Variants in SCUBE2 observed in about 807,000 individuals in gnomAD.
The protein encoded by SCUBE2 is signal peptide, CUB and EGF-like domain-containing protein 2.
In SCUBE2, 114 loss-of-function variants were observed where a neutral mutation model predicts 125.9. The ratio of observed to expected loss-of-function variants is 0.91; its 90% confidence interval spans 0.78 to 1.06. The LOEUF is 1.06. Among genes scored for constraint, SCUBE2 ranks in the 50% least tolerant of loss-of-function variants. The pLI is 0.00. For missense variants in SCUBE2, 1,255 were observed against 1,301.8 expected (o/e 0.96, Z 0.55); for synonymous variants, 459 against 492.9 (o/e 0.93, Z 0.91).
chr11:9,044,975 C>T (rs572349641), intron 16 of SCUBE2, among the ~76,000 whole-genome samples: 1 of 152,294 alleles, frequency 6.6e-6, no homozygotes, highest in South Asian at 2.1e-4. Context: ...CTTTCCATTC[C>T]ACTTCCCTGC....
chr11:9,047,318 A>G (rs759403609), intron 16 of SCUBE2, 38 bp downstream of exon 16: 4 of 1,608,800 alleles, frequency 2.5e-6, no homozygotes, highest in Non-Finnish European at 3.4e-6. Context: ...ATGGAGCCCA[A>G]GGCTGTTCTG....
intron 16 of SCUBE2, among the ~76,000 whole-genome samples, chr11:9,034,555 T>C (rs1856594861): frequency 6.6e-6 from 1 of 152,022 alleles, no homozygotes; most frequent in Non-Finnish European, 1.5e-5. Flanking sequence ...ACCCCTTCTC[T>C]AAAAAAGAAG....
chr11:9,079,294 C>A, intron 3 of SCUBE2, 90 bp downstream of exon 3: 1 of 1,493,080 alleles, frequency 6.7e-7, no homozygotes, highest in Non-Finnish European at 9.2e-7. Context: ...GCTCTGAGCC[C>A]GTTTTTGTCT....
At chr11:9,049,628 T>C (rs10769988) in intron 14 of SCUBE2, among the ~76,000 whole-genome samples, 115,187 of 152,050 alleles carry the variant, frequency 0.76, 43,828 homozygotes, top group East Asian at 0.91. Context: ...ATTTGGCAAA[T>C]GCAGAAAAAA....
At chr11:9,072,535 T>C (rs1395598694) in intron 4 of SCUBE2, among the ~76,000 whole-genome samples, 1 of 152,214 alleles carries the variant, frequency 6.6e-6, no homozygotes, top group Admixed American at 6.5e-5. Flanking sequence ...GCCTACAGTT[T>C]CATAGAGTTT....
chr11:9,065,675 A>G (rs1860145688), intron 7 of SCUBE2, among the ~76,000 whole-genome samples: 1 of 152,190 alleles, frequency 6.6e-6, no homozygotes, highest in Non-Finnish European at 1.5e-5. Flanking sequence ...CGTTAACCTG[A>G]TTATTCTGAT....
chr11:9,068,919 C>T (rs935320776), intron 5 of SCUBE2, among the ~76,000 whole-genome samples: 5 of 152,174 alleles, frequency 3.3e-5, no homozygotes, highest in African/African-American at 9.7e-5. Context: ...GAGTCCACCA[C>T]GCCAGGAAGG....
At chr11:9,082,671 C>A (rs1861737957) in intron 2 of SCUBE2, among the ~76,000 whole-genome samples, 1 of 152,172 alleles carries the variant, frequency 6.6e-6, no homozygotes, top group Non-Finnish European at 1.5e-5. Context: ...ATATAAGCTA[C>A]CACATGGACA....
At chr11:9,040,338 T>C (rs1159257661) in intron 16 of SCUBE2, among the ~76,000 whole-genome samples, 1 of 152,244 alleles carries the variant, frequency 6.6e-6, no homozygotes, top group Non-Finnish European at 1.5e-5. Context: ...GGTCTCTCTC[T>C]CAAAGTATCT....
intron 2 of SCUBE2, among the ~76,000 whole-genome samples, chr11:9,087,471 G>A (rs1862192341): frequency 6.6e-6 from 1 of 152,156 alleles, no homozygotes; most frequent in Non-Finnish European, 1.5e-5. Context: ...GCAGATAAAT[G>A]TTCTGGGGAG....
rs1862709735 is a variant in SCUBE2 at position 9,091,363 on chromosome 11, G to A, written c.133+33C>T. Reference sequence around the variant, plus strand: ...AACACTCTTCCTGGCCCTGCCTGCTGTGCCAGGTGCGCCCCCGCGGCCGGA... The same window carrying A: ...AACACTCTTCCTGGCCCTGCCTGCTATGCCAGGTGCGCCCCCGCGGCCGGA... On this transcript the variant is annotated intron_variant, in intron 1 of 22. Transcript: ENST00000649792. This position sits in a 1 kb window ranked among gnomAD's most constrained non-coding sequence, Gnocchi z 8.5. The A allele has an allele frequency of 2.3e-6, 3 of 1,296,670 alleles. No individual in the cohort carries two copies. The South Asian group carries it at 7.4e-5, about 32-fold the overall frequency. The allele number at this position is 1,296,670 out of a possible 1,614,324, so 80.3% of individuals were successfully genotyped here.
chr11:9,088,757 T>G (rs1862343543), intron 2 of SCUBE2, among the ~76,000 whole-genome samples: 1 of 152,186 alleles, frequency 6.6e-6, no homozygotes, highest in African/African-American at 2.4e-5. Context: ...CTCATCTAAT[T>G]TCTTCCTGCA....
intron 16 of SCUBE2, among the ~76,000 whole-genome samples, chr11:9,046,320 C>T (rs988765341): frequency 2.6e-5 from 4 of 152,016 alleles, no homozygotes; most frequent in South Asian, 4.1e-4. Flanking sequence ...GAGTGTCTTT[C>T]GTAGGCTGTT....
In SCUBE2 at chr11:9,054,725, A is replaced by ATTTTTTTTTTT. The variant is rs1174774188; in HGVS notation, c.1208-977_1208-967dup. On this transcript the variant is annotated intron_variant, in intron 10 of 22. Transcript: ENST00000649792. ...TGTATATATATATATATATATATAT[A>ATTTTTTTTTTT]TTTTTTTTTTTTTTTTTTTTTTTTT... Among the ~76,000 whole-genome samples, 3 of 22,348 alleles carry ATTTTTTTTTTT rather than the reference A, an allele frequency of 1.3e-4. 1 individual carries two copies. Among genetic ancestry groups the ATTTTTTTTTTT allele is most frequent in the East Asian group, 6.4e-3 (2 of 314 alleles). 14.7% of individuals were successfully genotyped at this position (22,348 alleles called of 152,430 possible).
chr11:9,058,050 GA>G (rs1830349470), intron 9 of SCUBE2, among the ~76,000 whole-genome samples: 1 of 152,148 alleles, frequency 6.6e-6, no homozygotes, highest in Non-Finnish European at 1.5e-5. Context: ...ATATGGGAAG[GA>G]TGTGTTTGAG....
chr11:9,040,323 A>C (rs1327782218), intron 16 of SCUBE2, among the ~76,000 whole-genome samples: 1 of 152,242 alleles, frequency 6.6e-6, no homozygotes, highest in East Asian at 1.9e-4. Context: ...AAGTTATGTG[A>C]ATGTGGTCTC....
intron 3 of SCUBE2, 103 bp downstream of exon 3, chr11:9,079,281 A>G: frequency 2.9e-6 from 4 of 1,356,094 alleles, no homozygotes; most frequent in Non-Finnish European, 4.1e-6. Context: ...CAGAAAACAC[A>G]AGGCTCTGAG....
intron 2 of SCUBE2, among the ~76,000 whole-genome samples, chr11:9,089,232 G>A (rs115427317): frequency 7.2e-4 from 109 of 152,282 alleles, no homozygotes; most frequent in African/African-American, 2.5e-3. Flanking sequence ...AGCTTGGCAC[G>A]TCACAATGCC....
At position 9,033,616 on chromosome 11, in the gene SCUBE2, G is replaced by A. The variant is rs781278033; in HGVS notation, c.2173+10C>T. ...TGGGAGGAGTAGGAAGGAACAGACA[G>A]CATCCTTACCTCCACATTCAGACAT... On this transcript the variant is annotated intron_variant, in intron 17 of 22. Coordinates refer to ENST00000649792, the MANE Select transcript of SCUBE2 (RefSeq NM_001367977.2). 6.2e-7 allele frequency: 1 copy of A among 1,612,260 alleles called. No individual in the cohort carries two copies. Among genetic ancestry groups the A allele is most frequent in the East Asian group, 2.2e-5 (1 of 44,850 alleles).
Sources: gnomAD v4.1 joint callset for allele counts (sites outside exome capture counted in the v4.1 genomes callset) on GRCh38, gnomAD v4.1.1 for gene constraint, Gnocchi (gnomAD v3.1) non-coding constraint, MANE v1.5 for transcripts, NCBI Gene and HGNC (gene_info 2026-07-23, HGNC 2026-07-21) for gene names.